GPC6: variants seen among roughly 807,000 people sequenced by gnomAD.
GPC6 encodes the protein glypican 6, also known as glypican-6.
A neutral mutation model predicts 55.2 loss-of-function variants in GPC6; 14 were observed. The observed-to-expected ratio is 0.25, with a 90% CI of 0.17 to 0.40. The LOEUF is 0.40. Among genes scored for constraint, GPC6 ranks in the 10% least tolerant of loss-of-function variants. GPC6 has a pLI of 1.00. For synonymous variants in GPC6, 278 were observed against 259.6 expected (o/e 1.07, Z -0.68); for missense variants, 641 against 708.5 (o/e 0.90, Z 1.08).
chr13:93,810,061 C>T (rs1458321933), intron 2 of GPC6, among the ~76,000 whole-genome samples: 1 of 152,068 alleles, frequency 6.6e-6, no homozygotes, highest in Non-Finnish European at 1.5e-5. Context: ...CTCCCCCAAC[C>T]CCTCCTTCCC....
In GPC6 at chr13:93,356,417, G is replaced by A. The variant is rs1388974041; in HGVS notation, c.160+128801G>A. ...ATAGCAAATTATTCCATAAATGGGA[G>A]CCATGATCCAGTGAAGAAGGCATTT... On this transcript the variant is annotated intron_variant, in intron 1 of 8. Transcript: ENST00000377047. Among the ~76,000 whole-genome samples, 5 of 152,274 alleles carry A rather than the reference G, an allele frequency of 3.3e-5. No homozygotes were observed. In the East Asian group the frequency reaches 9.7e-4, roughly 29 times the overall value.
intron 3 of GPC6, among the ~76,000 whole-genome samples, chr13:93,944,290 G>A (rs371644561): frequency 6.6e-6 from 1 of 151,738 alleles, no homozygotes; most frequent in Non-Finnish European, 1.5e-5. Context: ...TGCAAGCTCC[G>A]CCTCCCAGGT....
At chr13:93,696,732 C>A (rs556520673) in intron 2 of GPC6, among the ~76,000 whole-genome samples, 2 of 151,502 alleles carry the variant, frequency 1.3e-5, no homozygotes, top group Non-Finnish European at 2.9e-5. Context: ...AAATGATTCT[C>A]CTGCCTCAGC....
intron 3 of GPC6, among the ~76,000 whole-genome samples, chr13:93,868,729 A>G (rs528997440): frequency 6.6e-6 from 1 of 151,962 alleles, no homozygotes; most frequent in South Asian, 2.1e-4. Flanking sequence ...ATATTATTTG[A>G]GAGACGAGCA....
chr13:93,841,331 A>G (rs1887947331), intron 3 of GPC6, among the ~76,000 whole-genome samples: 1 of 152,168 alleles, frequency 6.6e-6, no homozygotes, highest in East Asian at 1.9e-4. Flanking sequence ...ATTAGGTCAC[A>G]CAGATATTTG....
chr13:93,960,588 G>T (rs538176125), intron 3 of GPC6, among the ~76,000 whole-genome samples: 424 of 152,218 alleles, frequency 2.8e-3, no homozygotes, highest in South Asian at 4.8e-3. Flanking sequence ...GGTGTATAAG[G>T]TTCTCTTGTA....
intron 4 of GPC6, among the ~76,000 whole-genome samples, chr13:94,185,937 G>A (rs147413109): frequency 0.044 from 6,697 of 151,428 alleles, 361 homozygotes; most frequent in African/African-American, 0.12. Context: ...GCAGGCCCCT[G>A]TAGTCCCAGC....
At chr13:94,164,011 T>C (rs1350243436) in intron 4 of GPC6, among the ~76,000 whole-genome samples, 5 of 152,132 alleles carry the variant, frequency 3.3e-5, no homozygotes, top group Admixed American at 6.6e-5. Context: ...GCAAGAAAGA[T>C]ATTAACTCTT....
chr13:93,644,727 T>C, intron 2 of GPC6, among the ~76,000 whole-genome samples: 1 of 151,868 alleles, frequency 6.6e-6, no homozygotes, highest in East Asian at 1.9e-4. Flanking sequence ...TTCTTTTTAC[T>C]TCCCATATTG....
intron 4 of GPC6, among the ~76,000 whole-genome samples, chr13:94,156,713 C>T (rs1887957960): frequency 6.6e-6 from 1 of 152,136 alleles, no homozygotes; most frequent in South Asian, 2.1e-4. Flanking sequence ...AATAAGTGTG[C>T]CTATTTATAT....
At chr13:94,173,167 A>G (rs1191339763) in intron 4 of GPC6, among the ~76,000 whole-genome samples, 2 of 152,158 alleles carry the variant, frequency 1.3e-5, no homozygotes, top group African/African-American at 4.8e-5. Context: ...GGAATGAAAG[A>G]CTGTTGAAGC....
chr13:94,261,904 A>G (rs912972), intron 4 of GPC6, among the ~76,000 whole-genome samples: 62,280 of 152,094 alleles, frequency 0.41, 12,987 homozygotes, highest in African/African-American at 0.49. Context: ...TCTTTTTCAG[A>G]AGCTTGCCTG....
chr13:94,276,576 C>T (rs1892215100), intron 4 of GPC6, among the ~76,000 whole-genome samples: 2 of 152,026 alleles, frequency 1.3e-5, no homozygotes, highest in African/African-American at 4.8e-5. Context: ...GTTGACCCAT[C>T]CTCTAAGTTC....
intron 1 of GPC6, among the ~76,000 whole-genome samples, chr13:93,347,691 C>T (rs8002366): frequency 0.12 from 17,972 of 152,146 alleles, 1,409 homozygotes; most frequent in East Asian, 0.37. Context: ...TGGCATTCTG[C>T]AGCCTGCAAG....
intron 1 of GPC6, among the ~76,000 whole-genome samples, chr13:93,365,951 T>A (rs1044351400): frequency 6.6e-6 from 1 of 152,136 alleles, no homozygotes; most frequent in Non-Finnish European, 1.5e-5. Flanking sequence ...TCATGTTCTA[T>A]TCTCCAGCTT....
intron 1 of GPC6, among the ~76,000 whole-genome samples, chr13:93,446,986 G>T: frequency 6.6e-6 from 1 of 152,050 alleles, no homozygotes; most frequent in Non-Finnish European, 1.5e-5. Flanking sequence ...GGTGGTGCTT[G>T]CTGTGTCAGG....
At chr13:94,221,567 A>C (rs1890384691) in intron 4 of GPC6, among the ~76,000 whole-genome samples, 2 of 152,058 alleles carry the variant, frequency 1.3e-5, no homozygotes, top group Non-Finnish European at 2.9e-5. Context: ...TGTTCTGTTC[A>C]CTTGTATATA....
intron 4 of GPC6, among the ~76,000 whole-genome samples, chr13:94,091,869 A>C (rs990950347): frequency 6.7e-6 from 1 of 149,370 alleles, no homozygotes; most frequent in African/African-American, 2.5e-5. Context: ...GGTGAAGAAA[A>C]ACTCACAGAA....
At chr13:93,352,042 A>G (rs1378820424) in intron 1 of GPC6, among the ~76,000 whole-genome samples, 1 of 152,178 alleles carries the variant, frequency 6.6e-6, no homozygotes, top group Non-Finnish European at 1.5e-5. Flanking sequence ...ACAATTTTTG[A>G]CAACCCACTA....
Sources: gnomAD v4.1 joint callset for allele counts (sites outside exome capture counted in the v4.1 genomes callset) on GRCh38, gnomAD v4.1.1 for gene constraint, MANE v1.5 for transcripts, NCBI Gene and HGNC (gene_info 2026-07-23, HGNC 2026-07-21) for gene names.